Variants in GALNT2 observed in about 807,000 individuals in gnomAD.
The protein encoded by GALNT2 is polypeptide N-acetylgalactosaminyltransferase 2.
A neutral mutation model predicts 81.4 loss-of-function variants in GALNT2; 31 were observed. That is an observed-to-expected ratio of 0.38 (90% CI 0.29 to 0.51). GALNT2 has a LOEUF of 0.51. GALNT2 is among the 20% of genes least tolerant of loss of function. The pLI, the probability that GALNT2 is intolerant of heterozygous loss-of-function variation, is 0.87. For synonymous variants in GALNT2, 303 were observed against 287.4 expected (o/e 1.05, Z -0.55); for missense variants, 629 against 765.7 (o/e 0.82, Z 2.11).
intron 7 of GALNT2, among the ~76,000 whole-genome samples, chr1:230,245,620 A>T (rs542009529): frequency 1.3e-5 from 2 of 152,234 alleles, no homozygotes; most frequent in South Asian, 4.1e-4. Context: ...ACATAGAAAT[A>T]TATTCCTAAT....
intron 7 of GALNT2, 75 bp from the exon 8 acceptor site, chr1:230,245,988 C>T (rs1553273196): frequency 1.6e-6 from 2 of 1,246,664 alleles, no homozygotes; most frequent in Non-Finnish European, 2.4e-6. Flanking sequence ...CTGCCTAATA[C>T]TAATGCCTTC....
chr1:230,251,295 A>T (rs1057082653), intron 10 of GALNT2, among the ~76,000 whole-genome samples: 1 of 152,184 alleles, frequency 6.6e-6, no homozygotes, highest in African/African-American at 2.4e-5. Flanking sequence ...GTTAACTTAC[A>T]TTCGTCCTTG....
intron 13 of GALNT2, 192 bp from the exon 14 acceptor site, chr1:230,265,049 G>A (rs1181976594): frequency 1.6e-6 from 1 of 613,830 alleles, no homozygotes; most frequent in Non-Finnish European, 2.9e-6. Flanking sequence ...TAAAGTGTTG[G>A]AAGTCCAGAG....
rs1321230170 is a variant in GALNT2 at position 230,112,486 on chromosome 1, A to G, written c.126+45080A>G. Among the ~76,000 whole-genome samples the G allele has an allele frequency of 2.6e-5, 4 of 151,408 alleles. No individual in the cohort carries two copies. The East Asian group carries it at 7.7e-4, about 29-fold the overall frequency. ...AAGCATTTATGCCTGTTTCTGACAG[A>G]GATGCACACAGCTGGTCTGAATGGG... On this transcript the variant is annotated intron_variant, in intron 1 of 15. Transcript: ENST00000366672.
In GALNT2 at chr1:230,177,982, T is replaced by C. The variant is rs547950060; in HGVS notation, c.127-236T>C. Among the ~76,000 whole-genome samples the C allele has an allele frequency of 5.9e-5, 9 of 152,282 alleles. No homozygotes were observed. In the East Asian group the frequency reaches 1.7e-3, roughly 29 times the overall value. On this transcript the variant is annotated intron_variant, in intron 1 of 15. Coordinates refer to ENST00000366672, the MANE Select transcript of GALNT2 (RefSeq NM_004481.5). ...ACAGATAAGCAATACAAATATAAAA[T>C]GAAGAGAGAAATGCAAACCCTTGGG...
upstream of GALNT2, among the ~76,000 whole-genome samples, chr1:230,066,837 G>A (rs962110526): frequency 2.0e-5 from 3 of 151,950 alleles, no homozygotes; most frequent in African/African-American, 7.2e-5. Flanking sequence ...GTCGGGTCCC[G>A]GGGCAGCCAC....
chr1:230,247,807 A>C (rs1665420856), intron 8 of GALNT2, among the ~76,000 whole-genome samples: 1 of 152,198 alleles, frequency 6.6e-6, no homozygotes. Flanking sequence ...TGCCATTCTT[A>C]ACAGATCTTT....
At chr1:230,229,985 G>A (rs1008112865) in intron 3 of GALNT2, among the ~76,000 whole-genome samples, 4 of 152,154 alleles carry the variant, frequency 2.6e-5, no homozygotes, top group African/African-American at 9.7e-5. Context: ...CCTGTCATGT[G>A]TCATTTTATT....
At chr1:230,203,778 G>A (rs1428881477) in intron 3 of GALNT2, among the ~76,000 whole-genome samples, 4 of 152,140 alleles carry the variant, frequency 2.6e-5, no homozygotes, top group African/African-American at 4.8e-5. Flanking sequence ...GGAGGGACAG[G>A]TGCCACATCT....
chr1:230,074,098 CTT>C (rs11360495), intron 1 of GALNT2, among the ~76,000 whole-genome samples: 13,715 of 144,588 alleles, frequency 0.095, 814 homozygotes, highest in East Asian at 0.36. Context: ...TTTTGGCTGG[CTT>C]TTTTTTTTTT....
At chr1:230,087,888 A>C (rs143310061) in intron 1 of GALNT2, among the ~76,000 whole-genome samples, 1 of 152,192 alleles carries the variant, frequency 6.6e-6, no homozygotes, top group Non-Finnish European at 1.5e-5. Flanking sequence ...GCTTTTAGCT[A>C]TGAGTACTTA....
chr1:230,145,125 G>C (rs58030518), intron 1 of GALNT2, among the ~76,000 whole-genome samples: 7,371 of 152,184 alleles, frequency 0.048, 455 homozygotes, highest in African/African-American at 0.14. Flanking sequence ...GTTACACTTA[G>C]AGCGACCCAT....
chr1:230,229,699 C>T (rs997471791), intron 3 of GALNT2, among the ~76,000 whole-genome samples: 3 of 152,166 alleles, frequency 2.0e-5, no homozygotes, highest in African/African-American at 4.8e-5. Flanking sequence ...TTCCTCCCTA[C>T]AATGGAAAGC....
chr1:230,252,362 A>C (rs1330945000), intron 10 of GALNT2, among the ~76,000 whole-genome samples: 1 of 152,148 alleles, frequency 6.6e-6, no homozygotes, highest in Non-Finnish European at 1.5e-5. Context: ...GTAAGTCCTT[A>C]TGTCATTTAA....
At chr1:230,270,380 A>G (rs1666135724) in intron 14 of GALNT2, among the ~76,000 whole-genome samples, 1 of 152,208 alleles carries the variant, frequency 6.6e-6, no homozygotes, top group South Asian at 2.1e-4. Flanking sequence ...GTGGGCTACT[A>G]TCAGTACTTT....
intron 2 of GALNT2, among the ~76,000 whole-genome samples, chr1:230,198,389 A>G (rs1663775642): frequency 7.3e-6 from 1 of 136,800 alleles, no homozygotes; most frequent in Admixed American, 7.9e-5. Context: ...GAGGAGTGGC[A>G]GGGGCAGGAC....
intron 1 of GALNT2, among the ~76,000 whole-genome samples, chr1:230,166,306 AC>A (rs1459546701): frequency 6.6e-6 from 1 of 152,146 alleles, no homozygotes; most frequent in Non-Finnish European, 1.5e-5. Context: ...TTTGTTAGGA[AC>A]TTTTTCAGGC....
intron 1 of GALNT2, among the ~76,000 whole-genome samples, chr1:230,124,353 C>T (rs1558095254): frequency 6.6e-6 from 1 of 152,164 alleles, no homozygotes; most frequent in African/African-American, 2.4e-5. Context: ...TGTCTATCAC[C>T]CGCAAGAGCC....
At chr1:230,264,042 G>A (rs933042526) in intron 13 of GALNT2, 16 of 152,290 alleles carry the variant, frequency 1.1e-4, no homozygotes, top group African/African-American at 1.7e-4. Context: ...CTTCTCCCTC[G>A]GATCCCTGCC....
Sources: gnomAD v4.1 joint callset for allele counts (sites outside exome capture counted in the v4.1 genomes callset) on GRCh38, gnomAD v4.1.1 for gene constraint, MANE v1.5 for transcripts, NCBI Gene and HGNC (gene_info 2026-07-23, HGNC 2026-07-21) for gene names.